SCD5: variants seen among roughly 807,000 people sequenced by gnomAD.
The protein encoded by SCD5 is acyl-CoA-desaturase 4.
In SCD5, 20 loss-of-function variants were observed where a neutral mutation model predicts 30.4. The observed-to-expected ratio is 0.66, with a 90% CI of 0.46 to 0.96. The LOEUF is 0.96. Among genes scored for constraint, SCD5 ranks in the 40% least tolerant of loss-of-function variants. The probability of loss-of-function intolerance (pLI) is 0.00; values close to 1 mark genes in which losing one functional copy is unlikely to be tolerated. For synonymous variants in SCD5, 173 were observed against 176.4 expected (o/e 0.98, Z 0.16); for missense variants, 381 against 443.3 (o/e 0.86, Z 1.26).
intron 1 of SCD5, among the ~76,000 whole-genome samples, chr4:82,774,387 T>G (rs934689093): frequency 3.3e-5 from 5 of 152,126 alleles, no homozygotes; most frequent in African/African-American, 9.7e-5. Context: ...AACAAGGTTA[T>G]AGTATAATTG....
intron 1 of SCD5, among the ~76,000 whole-genome samples, chr4:82,715,956 T>C (rs1720217073): frequency 6.6e-6 from 1 of 151,854 alleles, no homozygotes; most frequent in Admixed American, 6.5e-5. Context: ...AGGAGAGCTA[T>C]ATTTGGAGCT....
In SCD5 at chr4:82,636,733, G is replaced by A. The variant is rs781109538; in HGVS notation, c.660C>T (p.Tyr220=). 3.1e-6 allele frequency: 5 copies of A among 1,614,256 alleles called. No homozygotes were observed. The highest frequency in any genetic ancestry group is 4.2e-6 in the Non-Finnish European group (5 of 1,180,042). The change falls in exon 4 of 5, where the codon TAC becomes TAT. Residue 220 remains tyrosine, a synonymous_variant. Coordinates refer to ENST00000319540, the MANE Select transcript of SCD5 (RefSeq NM_001037582.3). The stretch of plus-strand genomic sequence containing the variant: ...TATAGCGGAGAATAGAGGCCAAGAA[G>A]TAGGAATTCCACAGACTCTCTCCCC... ...YIWGESLWNS[Y]FLASILRYTI...
intron 2 of SCD5, among the ~76,000 whole-genome samples, chr4:82,686,826 A>T (rs1437888042): frequency 6.8e-6 from 1 of 146,446 alleles, no homozygotes; most frequent in Non-Finnish European, 1.5e-5. Flanking sequence ...AACAAAAAAA[A>T]GGCTATTGTA....
chr4:82,789,500 T>C (rs1722056267), intron 1 of SCD5, among the ~76,000 whole-genome samples: 1 of 152,258 alleles, frequency 6.6e-6, no homozygotes, highest in Non-Finnish European at 1.5e-5. Context: ...ATTTGTTTTC[T>C]CTAACAAGCT....
intron 3 of SCD5, among the ~76,000 whole-genome samples, chr4:82,638,159 T>C (rs534021489): frequency 6.6e-6 from 1 of 152,312 alleles, no homozygotes; most frequent in East Asian, 1.9e-4. Flanking sequence ...TCCATGTCCC[T>C]GCAAAGGACA....
intron 1 of SCD5, among the ~76,000 whole-genome samples, chr4:82,776,257 T>C (rs371454638): frequency 1.3e-5 from 2 of 152,200 alleles, no homozygotes; most frequent in South Asian, 2.1e-4. Context: ...AAGTGCCACA[T>C]AGTGTTTTCA....
chr4:82,712,255 T>TACAC (rs1720109877), intron 1 of SCD5, among the ~76,000 whole-genome samples: 1 of 29,486 alleles, frequency 3.4e-5, no homozygotes, highest in African/African-American at 2.1e-4. Flanking sequence ...TATATATATA[T>TACAC]ATATATATAT....
Position 82,631,606 on chromosome 4 carries a change from G to C in SCD5, c.803-89C>G, listed in dbSNP as rs924642533. On this transcript the variant is annotated intron_variant, in intron 4 of 4. Transcript: ENST00000319540. The stretch of plus-strand genomic sequence containing the variant: ...CACCTATTTTTTCAGGGTTTACCAT[G>C]TGCAGGACATGGTGTCAGCCTCTGT... 3 of 1,400,170 alleles carry C rather than the reference G, an allele frequency of 2.1e-6. No homozygotes were observed. The Admixed American group carries it at 5.7e-5, about 26-fold the overall frequency. The allele number at this position is 1,400,170 out of a possible 1,614,324, so 86.7% of individuals were successfully genotyped here.
chr4:82,704,759 A>G (rs1333913794), intron 2 of SCD5, among the ~76,000 whole-genome samples: 2 of 152,176 alleles, frequency 1.3e-5, no homozygotes, highest in African/African-American at 4.8e-5. Flanking sequence ...CAACCTCGGG[A>G]CTAGGTGTTG....
At chr4:82,765,547 C>A (rs539499588) in intron 1 of SCD5, among the ~76,000 whole-genome samples, 10 of 152,070 alleles carry the variant, frequency 6.6e-5, no homozygotes, top group Non-Finnish European at 1.5e-4. Flanking sequence ...ATACCTAACA[C>A]AATGTAAATG....
At chr4:82,726,138 G>A (rs766356322) in intron 1 of SCD5, among the ~76,000 whole-genome samples, 2 of 152,136 alleles carry the variant, frequency 1.3e-5, no homozygotes, top group Non-Finnish European at 2.9e-5. Flanking sequence ...ATAACCTTGG[G>A]TCAGGCATGG....
At chr4:82,683,592 A>C (rs561046790) in intron 2 of SCD5, among the ~76,000 whole-genome samples, 2 of 152,272 alleles carry the variant, frequency 1.3e-5, no homozygotes, top group South Asian at 4.1e-4. Flanking sequence ...ACTTTCTTTC[A>C]TCTTGTTAAA....
intron 1 of SCD5, among the ~76,000 whole-genome samples, chr4:82,731,536 C>T (rs1196086639): frequency 6.6e-6 from 1 of 152,240 alleles, no homozygotes; most frequent in Non-Finnish European, 1.5e-5. Context: ...AGAGCATAAA[C>T]CAGATCCAGG....
chr4:82,723,411 T>C (rs1226051704), intron 1 of SCD5, among the ~76,000 whole-genome samples: 2 of 152,234 alleles, frequency 1.3e-5, no homozygotes, highest in East Asian at 3.8e-4. Flanking sequence ...GAACTTTTAT[T>C]TTCTACTTTC....
intron 1 of SCD5, among the ~76,000 whole-genome samples, chr4:82,732,801 C>T (rs957999191): frequency 6.6e-6 from 1 of 152,186 alleles, no homozygotes; most frequent in Non-Finnish European, 1.5e-5. Flanking sequence ...AGGGACAGAG[C>T]TCAGGGAAAG....
intron 3 of SCD5, among the ~76,000 whole-genome samples, chr4:82,664,027 A>C (rs554891464): frequency 6.6e-6 from 1 of 152,204 alleles, no homozygotes; most frequent in African/African-American, 2.4e-5. Context: ...CTACTCTTAT[A>C]AACAGCCATG....
intron 1 of SCD5, among the ~76,000 whole-genome samples, chr4:82,770,220 T>A (rs889062238): frequency 2.6e-5 from 4 of 152,226 alleles, no homozygotes; most frequent in African/African-American, 7.2e-5. Context: ...GTGTGTGATG[T>A]TCCCCTTCCT....
At chr4:82,756,813 C>A (rs1321344271) in intron 1 of SCD5, among the ~76,000 whole-genome samples, 1 of 152,200 alleles carries the variant, frequency 6.6e-6, no homozygotes, top group East Asian at 1.9e-4. Context: ...GTCTTGCCCC[C>A]CTCAAATCCA....
intron 1 of SCD5, among the ~76,000 whole-genome samples, chr4:82,792,124 G>C (rs1722111414): frequency 1.3e-5 from 2 of 152,206 alleles, no homozygotes; most frequent in South Asian, 4.1e-4. Flanking sequence ...AGGCATGGCA[G>C]TGCATGCCTG....
Sources: allele counts gnomAD v4.1 joint callset (sites outside exome capture counted in the v4.1 genomes callset), GRCh38; gene constraint gnomAD v4.1.1; transcripts MANE v1.5; gene names NCBI Gene and HGNC (gene_info 2026-07-23, HGNC 2026-07-21).